The following TSPAN18 variants were observed in gnomAD, a reference collection of about 807,000 sequenced individuals.
TSPAN18 encodes the protein tetraspanin 18, also known as tetraspanin-18.
Under a neutral mutation model 27.3 loss-of-function variants are expected in TSPAN18, and 14 were observed. The ratio of observed to expected loss-of-function variants is 0.51; its 90% confidence interval spans 0.34 to 0.80. TSPAN18 has a LOEUF of 0.80. TSPAN18 is among the 30% of genes least tolerant of loss of function. The pLI is 0.01. For synonymous variants in TSPAN18, 143 were observed against 136.5 expected, an observed-to-expected ratio of 1.05 and a Z score of -0.33; for missense variants, 268 against 323.9, an observed-to-expected ratio of 0.83 and a Z score of 1.32.
At chr11:44,779,889 A>G (rs1855897362) in intron 2 of TSPAN18, among the ~76,000 whole-genome samples, 2 of 151,654 alleles carry the variant, frequency 1.3e-5, no homozygotes, top group East Asian at 3.9e-4. Context: ...GTGTATACTT[A>G]TGCACTCATC....
intron 1 of TSPAN18, among the ~76,000 whole-genome samples, chr11:44,728,928 G>A (rs928520762): frequency 6.6e-6 from 1 of 152,228 alleles, no homozygotes; most frequent in Non-Finnish European, 1.5e-5. Flanking sequence ...GCCTCATTGT[G>A]GTTGGTAGAA....
chr11:44,816,590 T>G (rs1328488144), intron 2 of TSPAN18, among the ~76,000 whole-genome samples: 1 of 151,962 alleles, frequency 6.6e-6, no homozygotes, highest in Non-Finnish European at 1.5e-5. Context: ...TGAAGGCAGG[T>G]GAGGGCCCAC....
chr11:44,861,311 C>T (rs1857875770), intron 3 of TSPAN18, among the ~76,000 whole-genome samples: 1 of 151,726 alleles, frequency 6.6e-6, no homozygotes, highest in East Asian at 1.9e-4. Context: ...GACACCTCTG[C>T]CCAATCACTG....
At chr11:44,786,266 T>C (rs1336250193) in intron 2 of TSPAN18, among the ~76,000 whole-genome samples, 1 of 152,238 alleles carries the variant, frequency 6.6e-6, no homozygotes, top group Non-Finnish European at 1.5e-5. Context: ...GGATGGTCCC[T>C]GCTGGTAAGT....
rs138951149 is a variant in TSPAN18 at position 44,882,828 on chromosome 11, C to A, written c.-11+22359C>A. On this transcript the variant is annotated intron_variant, in intron 3 of 9. Coordinates refer to ENST00000520358, the MANE Select transcript of TSPAN18 (RefSeq NM_130783.5). ...CTGAACTTAAACCCAGACCCCCAGA[C>A]CCCCAGACCCAAGGGCGCTGCCTTT... 3.0e-3 allele frequency among the ~76,000 whole-genome samples: 462 copies of A among 152,230 alleles called. 3 individuals are homozygous for A. The highest frequency in any genetic ancestry group is 0.011 in the African/African-American group (441 of 41,532).
chr11:44,879,804 A>G (rs1858439264), intron 3 of TSPAN18, among the ~76,000 whole-genome samples: 1 of 152,240 alleles, frequency 6.6e-6, no homozygotes, highest in East Asian at 1.9e-4. Flanking sequence ...GCCTCCCAGG[A>G]TAAGTGTCTG....
At chr11:44,880,203 G>A (rs543641794) in intron 3 of TSPAN18, among the ~76,000 whole-genome samples, 261 of 152,308 alleles carry the variant, frequency 1.7e-3, no homozygotes, top group African/African-American at 5.9e-3. Context: ...GCCGCTGAGT[G>A]AGGTTTTCCA....
chr11:44,834,057 C>T (rs913316216), intron 2 of TSPAN18, among the ~76,000 whole-genome samples: 13 of 151,672 alleles, frequency 8.6e-5, no homozygotes, highest in East Asian at 1.9e-4. Context: ...GCAGTCCCAG[C>T]GATCAGCTTT....
chr11:44,759,284 C>T (rs892013197), intron 1 of TSPAN18, among the ~76,000 whole-genome samples: 2 of 152,272 alleles, frequency 1.3e-5, no homozygotes, highest in Admixed American at 6.5e-5. Flanking sequence ...CATTCCTTCC[C>T]GAAGGCCTTA....
chr11:44,732,788 GC>G (rs1180313340), intron 1 of TSPAN18, among the ~76,000 whole-genome samples: 1 of 152,158 alleles, frequency 6.6e-6, no homozygotes, highest in Non-Finnish European at 1.5e-5. Flanking sequence ...CAATTTACTG[GC>G]TGTGTGGCCT....
chr11:44,749,424 A>T (rs150079657), intron 1 of TSPAN18, among the ~76,000 whole-genome samples: 4 of 152,226 alleles, frequency 2.6e-5, no homozygotes, highest in Non-Finnish European at 4.4e-5. Flanking sequence ...TGGGCTTGCT[A>T]CCTGGCATAC....
chr11:44,911,721 G>C (rs1165966838), intron 5 of TSPAN18, among the ~76,000 whole-genome samples: 2 of 152,084 alleles, frequency 1.3e-5, no homozygotes, highest in Non-Finnish European at 2.9e-5. Context: ...TTCTTGGCTG[G>C]GAGCAGGCTG....
At chr11:44,755,074 G>A (rs979514051) in intron 1 of TSPAN18, among the ~76,000 whole-genome samples, 5 of 152,150 alleles carry the variant, frequency 3.3e-5, no homozygotes, top group African/African-American at 1.2e-4. Context: ...AACAGCAGTT[G>A]CATTGAGAAT....
At chr11:44,780,671 C>A (rs979267878) in intron 2 of TSPAN18, among the ~76,000 whole-genome samples, 13 of 152,234 alleles carry the variant, frequency 8.5e-5, no homozygotes, top group African/African-American at 3.1e-4. Flanking sequence ...GTCCTGGAAT[C>A]CAGTCTGTGT....
chr11:44,881,856 A>G (rs1178974291), intron 3 of TSPAN18, among the ~76,000 whole-genome samples: 3 of 152,150 alleles, frequency 2.0e-5, no homozygotes, highest in Non-Finnish European at 4.4e-5. Context: ...TTCTCAGAAC[A>G]TTTACCTTGG....
intron 3 of TSPAN18, among the ~76,000 whole-genome samples, chr11:44,899,731 G>A (rs1199120218): frequency 6.6e-6 from 1 of 152,234 alleles, no homozygotes; most frequent in Admixed American, 6.5e-5. Context: ...AGGCATGAAA[G>A]CAAAGGCCTG....
chr11:44,853,804 C>G (rs186178535), intron 2 of TSPAN18, among the ~76,000 whole-genome samples: 1 of 152,228 alleles, frequency 6.6e-6, no homozygotes, highest in East Asian at 1.9e-4. Context: ...GGAAACTGAC[C>G]GGAGTGCAGA....
rs1035560648 is a variant in TSPAN18, at chr11:44,931,722, A to C, written c.*2544A>C. The C allele has an allele frequency of 1.3e-5, 2 of 151,812 alleles. No homozygotes were observed. The highest frequency in any genetic ancestry group is 4.8e-5 in the African/African-American group (2 of 41,334). The allele number at this position is 151,812 out of a possible 1,614,324, so 9.4% of individuals were successfully genotyped here. Reference sequence around the variant, plus strand: ...AGGCAAAGAAAGCTCAGCCCAAATCAGGCTTGAGCCTCCCTCCAGAGCACA... The same window carrying C: ...AGGCAAAGAAAGCTCAGCCCAAATCCGGCTTGAGCCTCCCTCCAGAGCACA... On this transcript the variant is annotated 3_prime_UTR_variant, in exon 10 of 10. Transcript: ENST00000520358.
chr11:44,919,794 C>G (rs1237407938), intron 7 of TSPAN18, 23 bp from the exon 8 acceptor site: 2 of 1,613,514 alleles, frequency 1.2e-6, no homozygotes, highest in Non-Finnish European at 1.7e-6. Context: ...CCCACCAGAA[C>G]CTTCTCTGGG....
Sources: gnomAD v4.1 joint callset for allele counts (sites outside exome capture counted in the v4.1 genomes callset) on GRCh38, gnomAD v4.1.1 for gene constraint, MANE v1.5 for transcripts, NCBI Gene and HGNC (gene_info 2026-07-23, HGNC 2026-07-21) for gene names.